Variants in ALG14 observed in about 807,000 individuals in gnomAD.
ALG14 encodes UDP-N-acetylglucosamine transferase subunit ALG14.
ALG14 carries 17 observed loss-of-function variants against 22.8 expected under a neutral mutation model. The observed-to-expected ratio is 0.75, with a 90% CI of 0.51 to 1.12. The LOEUF (loss-of-function observed/expected upper bound fraction) is 1.12. Ranked by LOEUF, ALG14 falls within the 50% of genes most tolerant of loss-of-function variation. The pLI, the probability that ALG14 is intolerant of heterozygous loss-of-function variation, is 0.00. For missense variants in ALG14, 288 were observed against 271.8 expected, an observed-to-expected ratio of 1.06 and a Z score of -0.42; for synonymous variants, 89 against 103.7, an observed-to-expected ratio of 0.86 and a Z score of 0.86.
intron 3 of ALG14, among the ~76,000 whole-genome samples, chr1:94,985,735 G>A (rs1047819506): frequency 5.9e-5 from 9 of 152,202 alleles, no homozygotes; most frequent in Admixed American, 3.3e-4. Context: ...GCTGGGAGAT[G>A]CATTAACAAC....
At chr1:95,060,129 AACACACACACACACACACACACACACAC>A (rs60558070) in intron 2 of ALG14, among the ~76,000 whole-genome samples, 2 of 142,942 alleles carry the variant, frequency 1.4e-5, no homozygotes, top group Non-Finnish European at 3.1e-5. Flanking sequence ...TACACACACA[AACACACACACACACACACACACACACAC>A]ACACACACAC....
intron 3 of ALG14, among the ~76,000 whole-genome samples, chr1:95,007,919 G>T (rs1047455644): frequency 6.6e-6 from 1 of 152,218 alleles, no homozygotes; most frequent in Admixed American, 6.5e-5. Flanking sequence ...TAAACTAAAT[G>T]AGAGCAGGCA....
chr1:95,053,542 T>C (rs1300098565), intron 2 of ALG14, among the ~76,000 whole-genome samples: 1 of 152,158 alleles, frequency 6.6e-6, no homozygotes, highest in Admixed American at 6.5e-5. Flanking sequence ...TGTCTCTGTT[T>C]TTTGGGATTT....
chr1:95,051,863 T>C (rs1431762868), intron 2 of ALG14, among the ~76,000 whole-genome samples: 1 of 152,204 alleles, frequency 6.6e-6, no homozygotes, highest in African/African-American at 2.4e-5. Context: ...AACCCCCCTT[T>C]AACCCTCTGA....
Position 94,981,620 on chromosome 1 carries a change from G to C in ALG14, c.*1456C>G, listed in dbSNP as rs1672494816. 1 of 150,150 alleles carries C rather than the reference G, an allele frequency of 6.7e-6. No individual in the cohort carries two copies. Among genetic ancestry groups the C allele is most frequent in the African/African-American group, 2.4e-5 (1 of 41,004 alleles). 9.3% of individuals were successfully genotyped at this position (150,150 alleles called of 1,614,324 possible). On this transcript the variant is annotated 3_prime_UTR_variant, in exon 4 of 4. Coordinates refer to ENST00000370205, the MANE Select transcript of ALG14 (RefSeq NM_144988.4). Reference sequence around the variant, plus strand: ...CATACTTATAAAGCAAAAGATTTAAGAGGAAAAAACCTATATATACTACAG... The same window carrying C: ...CATACTTATAAAGCAAAAGATTTAACAGGAAAAAACCTATATATACTACAG...
intron 2 of ALG14, among the ~76,000 whole-genome samples, chr1:95,058,047 G>A (rs910800253): frequency 1.3e-5 from 2 of 151,798 alleles, no homozygotes; most frequent in African/African-American, 2.4e-5. Context: ...CAGCACTTTG[G>A]GAGGCTGAGG....
rs1036907861 is a variant in ALG14 at position 94,976,907 on chromosome 1, G to C, written c.*6169C>G. ...GGAGATTACACTGACTCAGTCATGT[G>C]AGTCCTTAAAAGATAGGAAGCAGGC... On this transcript the variant is annotated 3_prime_UTR_variant, in exon 4 of 4. Transcript: ENST00000370205. 6 of 152,212 alleles carry C rather than the reference G, an allele frequency of 3.9e-5. No homozygotes were observed. The highest frequency in any genetic ancestry group is 2.9e-5 in the Non-Finnish European group (2 of 68,054). The allele number at this position is 152,212 out of a possible 1,614,324, so 9.4% of individuals were successfully genotyped here. A position where few individuals can be genotyped will look rare whatever the true frequency, so the allele number is the denominator to read the frequency against.
intron 3 of ALG14, among the ~76,000 whole-genome samples, chr1:95,000,777 TAAAAAAA>T (rs56810994): frequency 1.1e-4 from 7 of 65,222 alleles, no homozygotes; most frequent in East Asian, 9.1e-4. Flanking sequence ...TATGCCACAC[TAAAAAAA>T]AAAAAAAAAA....
intron 3 of ALG14, among the ~76,000 whole-genome samples, chr1:95,025,470 C>T (rs1480259499): frequency 6.6e-6 from 1 of 152,216 alleles, no homozygotes; most frequent in African/African-American, 2.4e-5. Context: ...TCAACAGCTA[C>T]ACAGAATCAG....
chr1:95,005,522 T>C (rs1673193427), intron 3 of ALG14, among the ~76,000 whole-genome samples: 1 of 151,190 alleles, frequency 6.6e-6, no homozygotes, highest in Admixed American at 6.6e-5. Flanking sequence ...GTAAGACAGA[T>C]TGGGAGTGGG....
At chr1:95,051,204 T>A (rs1674736117) in intron 2 of ALG14, among the ~76,000 whole-genome samples, 1 of 132,496 alleles carries the variant, frequency 7.5e-6, no homozygotes, top group Admixed American at 8.3e-5. Flanking sequence ...CAATTACCCC[T>A]CCTGATGACC....
At position 95,072,756 on chromosome 1, in the gene ALG14, T is replaced by A. The variant is rs746573730; in HGVS notation, c.136+7A>T. 6.2e-7 allele frequency: 1 copy of A among 1,606,672 alleles called. No individual in the cohort carries two copies. ...CCAAGTCCGACAGTCGCCTCCTCGATACTTACCGGACCCAGCCACTACCAA... is the reference window on the plus strand; with the variant it reads ...CCAAGTCCGACAGTCGCCTCCTCGAAACTTACCGGACCCAGCCACTACCAA... On this transcript the variant is annotated splice_region_variant and intron_variant, in intron 1 of 3. Transcript: ENST00000370205.
chr1:95,030,611 T>C (rs1333991745), intron 2 of ALG14, among the ~76,000 whole-genome samples: 1 of 152,242 alleles, frequency 6.6e-6, no homozygotes, highest in Non-Finnish European at 1.5e-5. Flanking sequence ...TGAACAACAT[T>C]TCTGGATTAT....
chr1:94,996,880 C>A (rs1278041504), intron 3 of ALG14, among the ~76,000 whole-genome samples: 3 of 152,052 alleles, frequency 2.0e-5, no homozygotes, highest in African/African-American at 7.2e-5. Flanking sequence ...CAGGGTTTCA[C>A]CGTTGTTGGC....
intron 2 of ALG14, among the ~76,000 whole-genome samples, chr1:95,049,255 A>C (rs1307435529): frequency 6.6e-6 from 1 of 152,220 alleles, no homozygotes; most frequent in Non-Finnish European, 1.5e-5. Context: ...ATATGGGGGC[A>C]AGCACAGTGG....
intron 2 of ALG14, among the ~76,000 whole-genome samples, chr1:95,062,971 G>T (rs189077118): frequency 2.6e-4 from 40 of 152,228 alleles, no homozygotes; most frequent in Non-Finnish European, 4.1e-4. Context: ...GTTGTTTCTG[G>T]ACTTTTTAAT....
chr1:95,041,014 T>C (rs1266430943), intron 2 of ALG14, among the ~76,000 whole-genome samples: 1 of 152,208 alleles, frequency 6.6e-6, no homozygotes, highest in African/African-American at 2.4e-5. Context: ...TGGGGAGGAA[T>C]TTAAGAGATT....
intron 2 of ALG14, among the ~76,000 whole-genome samples, chr1:95,047,490 C>T (rs1234874675): frequency 1.3e-5 from 2 of 151,934 alleles, no homozygotes; most frequent in South Asian, 2.1e-4. Context: ...ATTACAGGCG[C>T]CCACCACCAC....
At chr1:95,031,882 C>T (rs2100779968) in intron 2 of ALG14, among the ~76,000 whole-genome samples, 2 of 152,302 alleles carry the variant, frequency 1.3e-5, no homozygotes, top group Non-Finnish European at 2.9e-5. Context: ...GATCTCAGCT[C>T]ACTGCAACCT....
Sources: gnomAD v4.1 joint callset for allele counts (sites outside exome capture counted in the v4.1 genomes callset) on GRCh38, gnomAD v4.1.1 for gene constraint, MANE v1.5 for transcripts, NCBI Gene and HGNC (gene_info 2026-07-23, HGNC 2026-07-21) for gene names.